OR56A3: variants seen among roughly 807,000 people sequenced by gnomAD.
The protein encoded by OR56A3 is olfactory receptor 56A3.
A neutral mutation model predicts 17.5 loss-of-function variants in OR56A3; 23 were observed. That is an observed-to-expected ratio of 1.32 (90% CI 0.95 to 1.87). The LOEUF (loss-of-function observed/expected upper bound fraction) is 1.87, where lower values mean the gene tolerates loss of function less well. OR56A3 is among the 40% of genes most tolerant of loss of function. The pLI is 0.00. For synonymous variants in OR56A3, 175 were observed against 150.6 expected (o/e 1.16, Z -1.19); for missense variants, 366 against 380.1 (o/e 0.96, Z 0.31).
At chr11:5,969,622 T>C in the OR56A3 span, among the ~76,000 whole-genome samples, 1 of 152,250 alleles carries the variant, frequency 6.6e-6, no homozygotes, top group Non-Finnish European at 1.5e-5. Context: ...TCCTAAATCC[T>C]TCCCATGGAT....
At chr11:6,007,747 C>A in the OR56A3 span, among the ~76,000 whole-genome samples, 1 of 152,146 alleles carries the variant, frequency 6.6e-6, no homozygotes, top group Non-Finnish European at 1.5e-5. Flanking sequence ...ATCCTCAGCA[C>A]TGTAACTCTA....
chr11:6,002,515 GA>G, the OR56A3 span: 57 of 1,614,108 alleles, frequency 3.5e-5, no homozygotes, highest in Non-Finnish European at 8.5e-6. Context: ...GGAACAGGAA[GA>G]GAAACAAAGG....
the OR56A3 span, among the ~76,000 whole-genome samples, chr11:5,960,268 C>T: frequency 4.8e-4 from 73 of 151,610 alleles, 1 homozygote; most frequent in African/African-American, 1.3e-3. Context: ...CCCCTTTGCA[C>T]GGTCCTCGTC....
At chr11:5,991,893 C>T in the OR56A3 span, among the ~76,000 whole-genome samples, 1 of 152,158 alleles carries the variant, frequency 6.6e-6, no homozygotes, top group East Asian at 1.9e-4. Flanking sequence ...CTGCACAAAG[C>T]CTAAGTTAGC....
At chr11:6,003,854 C>T in the OR56A3 span, among the ~76,000 whole-genome samples, 2 of 152,214 alleles carry the variant, frequency 1.3e-5, no homozygotes, top group Non-Finnish European at 2.9e-5. Context: ...CAAGAACCCA[C>T]TTACCTGGTA....
chr11:5,976,270 A>G, the OR56A3 span, among the ~76,000 whole-genome samples: 1 of 152,060 alleles, frequency 6.6e-6, no homozygotes. Flanking sequence ...TTAAGGAAAG[A>G]GAAGGAATAG....
the OR56A3 span, among the ~76,000 whole-genome samples, chr11:6,004,881 G>A: frequency 0.51 from 77,016 of 151,916 alleles, 20,440 homozygotes; most frequent in South Asian, 0.72. Context: ...ACAGCAGTAC[G>A]TTGCATAATT....
chr11:5,981,112 A>G, the OR56A3 span, among the ~76,000 whole-genome samples: 7 of 152,162 alleles, frequency 4.6e-5, no homozygotes, highest in African/African-American at 1.7e-4. Flanking sequence ...TTTCATGACA[A>G]CCTTGGAGAA....
At chr11:5,989,441 G>A in the OR56A3 span, among the ~76,000 whole-genome samples, 1 of 152,132 alleles carries the variant, frequency 6.6e-6, no homozygotes, top group Non-Finnish European at 1.5e-5. Context: ...AAAGTAAGAA[G>A]TAAGTAAATA....
the OR56A3 span, among the ~76,000 whole-genome samples, chr11:5,964,179 C>A: frequency 1.3e-5 from 2 of 152,056 alleles, no homozygotes; most frequent in South Asian, 4.2e-4. Flanking sequence ...CATAAAATAG[C>A]TGTTTTGTAT....
chr11:5,968,313 G>A, the OR56A3 span: 10 of 1,612,876 alleles, frequency 6.2e-6, no homozygotes, highest in East Asian at 1.1e-4. Flanking sequence ...GTAGTACAGG[G>A]GCTGGTGCAG....
chr11:5,960,828 G>A, the OR56A3 span, among the ~76,000 whole-genome samples: 3,042 of 151,502 alleles, frequency 0.02, 96 homozygotes, highest in African/African-American at 0.067. Context: ...GTCTCTGCCC[G>A]GCCGGCTGCC....
chr11:5,974,880 G>C, the OR56A3 span, among the ~76,000 whole-genome samples: 1 of 152,186 alleles, frequency 6.6e-6, no homozygotes, highest in Admixed American at 6.5e-5. Context: ...ACAGTGCTGA[G>C]CTTATAGTAA....
At chr11:5,996,439 T>G in the OR56A3 span, among the ~76,000 whole-genome samples, 1 of 151,988 alleles carries the variant, frequency 6.6e-6, no homozygotes, top group Non-Finnish European at 1.5e-5. Context: ...TCCAGTAACC[T>G]GTAGCCCAGC....
the OR56A3 span, among the ~76,000 whole-genome samples, chr11:5,984,303 G>A: frequency 1.3e-5 from 2 of 152,176 alleles, no homozygotes; most frequent in South Asian, 2.1e-4. Context: ...GATGAAAAAC[G>A]TATACTTTTT....
At chr11:5,957,015 A>G in the OR56A3 span, among the ~76,000 whole-genome samples, 1 of 152,188 alleles carries the variant, frequency 6.6e-6, no homozygotes, top group Non-Finnish European at 1.5e-5. Flanking sequence ...TTAGCCAGAC[A>G]TGGTGGCTTA....
chr11:5,998,791 C>A, the OR56A3 span, among the ~76,000 whole-genome samples: 1 of 152,180 alleles, frequency 6.6e-6, no homozygotes, highest in East Asian at 1.9e-4. Flanking sequence ...AGCAGTCAAG[C>A]CTCTGCACAC....
the OR56A3 span, among the ~76,000 whole-genome samples, chr11:5,976,169 A>G: frequency 3.3e-5 from 5 of 151,990 alleles, no homozygotes; most frequent in African/African-American, 1.2e-4. Context: ...GAGAGAAGGA[A>G]GGAGGATGGG....
chr11:5,999,345 CA>C, the OR56A3 span: 1 of 152,130 alleles, frequency 6.6e-6, no homozygotes, highest in South Asian at 2.1e-4. Flanking sequence ...ATAAATCATT[CA>C]ATGTGTATAT....
Sources: gnomAD v4.1 joint callset for allele counts (sites outside exome capture counted in the v4.1 genomes callset) on GRCh38, gnomAD v4.1.1 for gene constraint, MANE v1.5 for transcripts, NCBI Gene and HGNC (gene_info 2026-07-23, HGNC 2026-07-21) for gene names.